ZKSCAN1: variants seen among roughly 807,000 people sequenced by gnomAD.
ZKSCAN1 encodes zinc finger protein with KRAB and SCAN domains 1.
ZKSCAN1 carries 14 observed loss-of-function variants against 51.6 expected under a neutral mutation model. The observed-to-expected ratio is 0.27, with a 90% CI of 0.18 to 0.42. The LOEUF (loss-of-function observed/expected upper bound fraction) is 0.42, where lower values mean the gene tolerates loss of function less well. Among genes scored for constraint, ZKSCAN1 ranks in the 10% least tolerant of loss-of-function variants. The pLI, the probability that ZKSCAN1 is intolerant of heterozygous loss-of-function variation, is 1.00. For missense variants in ZKSCAN1, 531 were observed against 710.0 expected (o/e 0.75, Z 2.86); for synonymous variants, 263 against 261.5 (o/e 1.01, Z -0.06).
intron 2 of ZKSCAN1, 77 bp downstream of exon 2, chr7:100,024,009 C>T (rs955758459): frequency 6.6e-7 from 1 of 1,522,800 alleles, no homozygotes; most frequent in African/African-American, 1.4e-5. Context: ...TATTGGCAGG[C>T]TTTAGGTTAT....
Position 100,031,101 on chromosome 7 carries a change from G to A in ZKSCAN1, c.799+726G>A, listed in dbSNP as rs928615154. Among the ~76,000 whole-genome samples, 27 of 152,092 alleles carry A rather than the reference G, an allele frequency of 1.8e-4. 1 individual carries two copies. The highest frequency in any genetic ancestry group is 6.5e-4 in the African/African-American group (27 of 41,416). On this transcript the variant is annotated intron_variant, in intron 5 of 5. Coordinates refer to ENST00000324306, the MANE Select transcript of ZKSCAN1 (RefSeq NM_003439.4). ...GACAGTGCTGCAAAGAAGCCCTCAC[G>A]TGAGTACAGCAATAGGGAGGTCCAC...
At position 100,035,902 on chromosome 7, in the gene ZKSCAN1, A is replaced by C. The variant is rs1221784658; in HGVS notation, c.*1705A>C. Reference sequence around the variant, plus strand: ...GCCACTCAAGTAGGACAAGGGTCCTACCCAAGGCTAGGACCGCCCTGCGGA... The same window carrying C: ...GCCACTCAAGTAGGACAAGGGTCCTCCCCAAGGCTAGGACCGCCCTGCGGA... On this transcript the variant is annotated 3_prime_UTR_variant, in exon 6 of 6. Coordinates refer to ENST00000324306, the MANE Select transcript of ZKSCAN1 (RefSeq NM_003439.4). The C allele has an allele frequency of 2.0e-6, 2 of 985,292 alleles. No individual in the cohort carries two copies. Among genetic ancestry groups the C allele is most frequent in the African/African-American group, 3.5e-5 (2 of 57,224 alleles). 61.0% of individuals were successfully genotyped at this position (985,292 alleles called of 1,614,324 possible). A position where few individuals can be genotyped will look rare whatever the true frequency, so the allele number is the denominator to read the frequency against.
rs147630879 is a variant in ZKSCAN1 at position 100,035,862 on chromosome 7, G to A, written c.*1665G>A. 359 of 985,442 alleles carry A rather than the reference G, an allele frequency of 3.6e-4. No individual in the cohort carries two copies. The African/African-American group carries it at 5.8e-3, about 16-fold the overall frequency. 61.0% of individuals were successfully genotyped at this position (985,442 alleles called of 1,614,324 possible). A position where few individuals can be genotyped will look rare whatever the true frequency, so the allele number is the denominator to read the frequency against. ...TTTCACACACAGGAGATTGTGAGCT[G>A]TGTAAGTAGTCATCGCCACTCAAGT... On this transcript the variant is annotated 3_prime_UTR_variant, in exon 6 of 6. Transcript: ENST00000324306.
At position 100,041,113 on chromosome 7, in the gene ZKSCAN1, C is replaced by A; in HGVS notation, c.*6916C>A. ...AATCTATATAGAGGGCTAACTCAGG[C>A]ATTGTCTTGTTTATTTGTAGACTGG... On this transcript the variant is annotated 3_prime_UTR_variant, in exon 6 of 6. Transcript: ENST00000324306. 1.2e-6 allele frequency: 1 copy of A among 841,786 alleles called. No individual in the cohort carries two copies. Among genetic ancestry groups the A allele is most frequent in the Non-Finnish European group, 1.4e-6 (1 of 699,032 alleles). The allele number at this position is 841,786 out of a possible 1,614,324, so 52.1% of individuals were successfully genotyped here.
intron 1 of ZKSCAN1, among the ~76,000 whole-genome samples, chr7:100,020,105 G>GTT (rs1300216088): frequency 6.6e-6 from 1 of 152,170 alleles, no homozygotes; most frequent in Admixed American, 6.6e-5. Flanking sequence ...AAAGCACTCA[G>GTT]TAAACATTGG....
chr7:100,024,425 C>A, intron 3 of ZKSCAN1, 118 bp downstream of exon 3: 1 of 1,312,488 alleles, frequency 7.6e-7, no homozygotes, highest in Non-Finnish European at 1.0e-6. Flanking sequence ...GAGACCCCAT[C>A]TCTACAAAAA....
chr7:100,030,154 G>C, intron 4 of ZKSCAN1, 95 bp from the exon 5 acceptor site: 5 of 1,551,188 alleles, frequency 3.2e-6, no homozygotes, highest in Non-Finnish European at 4.4e-6. Flanking sequence ...GCGTCCTGTA[G>C]CTTTGCAGCC....
Position 100,041,275 on chromosome 7 carries a change from T to C in ZKSCAN1, c.*7078T>C. ...TTGTTAAAACTGGATTTTTTCATTT[T>C]ACTAGGTTCCGAAGAGTCCAGATGC... On this transcript the variant is annotated 3_prime_UTR_variant, in exon 6 of 6. Coordinates refer to ENST00000324306, the MANE Select transcript of ZKSCAN1 (RefSeq NM_003439.4). 1 of 976,952 alleles carries C rather than the reference T, an allele frequency of 1.0e-6. No homozygotes were observed. Among genetic ancestry groups the C allele is most frequent in the Non-Finnish European group, 1.2e-6 (1 of 822,288 alleles). The allele number at this position is 976,952 out of a possible 1,614,324, so 60.5% of individuals were successfully genotyped here. A position where few individuals can be genotyped will look rare whatever the true frequency, so the allele number is the denominator to read the frequency against.
intron 3 of ZKSCAN1, 84 bp downstream of exon 3, chr7:100,024,391 C>A: frequency 6.6e-7 from 1 of 1,515,844 alleles, no homozygotes; most frequent in South Asian, 1.2e-5. Flanking sequence ...GATGAAGAAG[C>A]ATGTTAGTCC....
At chr7:100,043,882 T>G (rs1454803765), downstream of ZKSCAN1, among the ~76,000 whole-genome samples, 1 of 147,434 alleles carries the variant, frequency 6.8e-6, no homozygotes, top group East Asian at 2.2e-4. Context: ...GTTCAAGTGA[T>G]TCTCCTGACT....
Position 100,040,798 on chromosome 7 carries a change from TC to T in ZKSCAN1, c.*6603del. On this transcript the variant is annotated 3_prime_UTR_variant, in exon 6 of 6. Coordinates refer to ENST00000324306, the MANE Select transcript of ZKSCAN1 (RefSeq NM_003439.4). ...CCCTCACCTCAACCAGAGAAGAGCATCCGGTTGCTTTTTAAAGCTTTTAGCC... is the reference window on the plus strand; with the variant it reads ...CCCTCACCTCAACCAGAGAAGAGCATCGGTTGCTTTTTAAAGCTTTTAGCC... 3.0e-6 allele frequency: 3 copies of T among 985,304 alleles called. No homozygotes were observed. The highest frequency in any genetic ancestry group is 3.6e-6 in the Non-Finnish European group (3 of 829,920). 61.0% of individuals were successfully genotyped at this position (985,304 alleles called of 1,614,324 possible).
rs1791356013 is a variant in ZKSCAN1 at position 100,036,176 on chromosome 7, A to T, written c.*1979A>T. On this transcript the variant is annotated 3_prime_UTR_variant, in exon 6 of 6. Transcript: ENST00000324306. Reference sequence around the variant, plus strand: ...CTCCTTGGCTTTATGACTTAAACCAACTACAACTTCCCTATAGCTTCTAAG... The same window carrying T: ...CTCCTTGGCTTTATGACTTAAACCATCTACAACTTCCCTATAGCTTCTAAG... 4.1e-6 allele frequency: 4 copies of T among 985,394 alleles called. No individual in the cohort carries two copies. Among genetic ancestry groups the T allele is most frequent in the Non-Finnish European group, 3.6e-6 (3 of 829,930 alleles). 61.0% of individuals were successfully genotyped at this position (985,394 alleles called of 1,614,324 possible).
rs1038802274 is a variant in ZKSCAN1, at chr7:100,030,278, G to A, written c.702G>A (p.Val234=). The change falls in exon 5 of 6, where the codon GTG becomes GTA. Residue 234 remains valine (V), a synonymous_variant. Transcript: ENST00000324306. ...TGGTGAAGATCGAGGACATGGCTGTGTCCCTCATTCTGGAGGAATGGGGAT... is the reference window on the plus strand; with the variant it reads ...TGGTGAAGATCGAGGACATGGCTGTATCCCTCATTCTGGAGGAATGGGGAT... ...QAMVKIEDMA[V]SLILEEWGCQ... 10 of 1,612,344 alleles carry A rather than the reference G, an allele frequency of 6.2e-6. No individual in the cohort carries two copies. The highest frequency in any genetic ancestry group is 8.5e-6 in the Non-Finnish European group (10 of 1,179,396).
chr7:100,043,620 CCA>C (rs1182400664), downstream of ZKSCAN1, among the ~76,000 whole-genome samples: 3 of 151,788 alleles, frequency 2.0e-5, no homozygotes, highest in East Asian at 5.9e-4. Context: ...AGCAATCCTC[CCA>C]CCTCAGCTTC....
intron 3 of ZKSCAN1, chr7:100,025,030 T>TA (rs1397046548): frequency 6.6e-6 from 1 of 151,904 alleles, no homozygotes; most frequent in Non-Finnish European, 1.5e-5. Context: ...AAATACAACT[T>TA]ACAGACCAAT....
In ZKSCAN1 at chr7:100,023,136, G is replaced by A. The variant is rs6974305; in HGVS notation, c.-88-283G>A. ...AGCGTTTCTCCTGCCTCAGCTTTCCGAGTAGCTGGGATTACAGGCGCCTGC... is the reference window on the plus strand; with the variant it reads ...AGCGTTTCTCCTGCCTCAGCTTTCCAAGTAGCTGGGATTACAGGCGCCTGC... On this transcript the variant is annotated intron_variant, in intron 1 of 5. Transcript: ENST00000324306. Among the ~76,000 whole-genome samples the A allele has an allele frequency of 0.25, 38,225 of 151,814 alleles. 5,088 individuals carry two copies. The highest frequency in any genetic ancestry group is 0.41 in the East Asian group (2,091 of 5,154).
chr7:100,037,972 A>G lies in ZKSCAN1; in HGVS notation c.*3775A>G. Reference sequence around the variant, plus strand: ...GAGGCGGAGGTTGCAGTGAGCTAAGATCATGCCACTGGCACTCCAGCCTTG... The same window carrying G: ...GAGGCGGAGGTTGCAGTGAGCTAAGGTCATGCCACTGGCACTCCAGCCTTG... On this transcript the variant is annotated 3_prime_UTR_variant, in exon 6 of 6. Transcript: ENST00000324306. 2.1e-6 allele frequency: 2 copies of G among 966,446 alleles called. 1 individual carries two copies. The highest frequency in any genetic ancestry group is 2.5e-6 in the Non-Finnish European group (2 of 812,864). The allele number at this position is 966,446 out of a possible 1,614,324, so 59.9% of individuals were successfully genotyped here. A position where few individuals can be genotyped will look rare whatever the true frequency, so the allele number is the denominator to read the frequency against.
chr7:100,026,230 C>CAAAAAAAAAAAAAAAAAAAAAAAAAA (rs58408632), intron 3 of ZKSCAN1, among the ~76,000 whole-genome samples: 3 of 47,308 alleles, frequency 6.3e-5, no homozygotes, highest in Non-Finnish European at 1.1e-4. Flanking sequence ...AAACTCATCT[C>CAAAAAAAAAAAAAAAAAAAAAAAAAA]AAAAAAAAAA....
rs145747396 is a variant in ZKSCAN1 at position 100,033,719 on chromosome 7, A to G, written c.1214A>G (p.Tyr405Cys). ...ATAATCCACACTGGAGAAAAGCCCTATGAATGTAGTGAGTGTGGGAAAGCC... is the reference window on the plus strand; with the variant it reads ...ATAATCCACACTGGAGAAAAGCCCTGTGAATGTAGTGAGTGTGGGAAAGCC... ...HKIIHTGEKP[Y>C]ECSECGKAFS... The change falls in exon 6 of 6, where the codon TAT (tyrosine) becomes TGT (cysteine). Residue 405 changes from tyrosine (Y) to cysteine (C), a missense_variant. Tyr to Cys is a radical substitution (Grantham distance 194). Coordinates refer to ENST00000324306, the MANE Select transcript of ZKSCAN1 (RefSeq NM_003439.4). This position sits in a 1 kb window ranked among gnomAD's most constrained non-coding sequence, Gnocchi z 4.1. 3.8e-5 allele frequency: 61 copies of G among 1,614,120 alleles called. No homozygotes were observed. The highest frequency in any genetic ancestry group is 2.7e-5 in the African/African-American group (2 of 74,944).
Sources: gnomAD v4.1 joint callset for allele counts (sites outside exome capture counted in the v4.1 genomes callset) on GRCh38, gnomAD v4.1.1 for gene constraint, Gnocchi (gnomAD v3.1) non-coding constraint, MANE v1.5 for transcripts, NCBI Gene and HGNC (gene_info 2026-07-23, HGNC 2026-07-21) for gene names.